NRG3: variants seen among roughly 807,000 people sequenced by gnomAD.
The protein encoded by NRG3 is neuregulin 3.
In NRG3, 31 loss-of-function variants were observed where a neutral mutation model predicts 66.9. The ratio of observed to expected loss-of-function variants is 0.46; its 90% CI spans 0.35 to 0.63. The LOEUF is 0.63. Ranked by LOEUF, NRG3 falls within the 20% of genes least tolerant of loss-of-function variation. The pLI is 0.00. For missense variants in NRG3, 910 were observed against 878.9 expected (o/e 1.04, Z -0.45); for synonymous variants, 393 against 359.4 (o/e 1.09, Z -1.06).
intron 1 of NRG3, among the ~76,000 whole-genome samples, chr10:82,309,458 T>C (rs78403190): frequency 0.023 from 3,449 of 150,268 alleles, 44 homozygotes; most frequent in African/African-American, 0.04. Flanking sequence ...ACAAATTGCT[T>C]TGCATTACAA....
intron 2 of NRG3, among the ~76,000 whole-genome samples, chr10:82,613,369 C>T (rs979179825): frequency 1.3e-5 from 2 of 151,514 alleles, no homozygotes; most frequent in South Asian, 2.1e-4. Context: ...AATTTTCAGA[C>T]AATCATTAAA....
At chr10:82,879,363 C>T (rs2136046128) in intron 4 of NRG3, among the ~76,000 whole-genome samples, 1 of 152,132 alleles carries the variant, frequency 6.6e-6, no homozygotes, top group Non-Finnish European at 1.5e-5. Flanking sequence ...AACACAAGAC[C>T]ATGCAATTTA....
intron 2 of NRG3, among the ~76,000 whole-genome samples, chr10:82,618,957 G>C (rs1345610896): frequency 6.7e-6 from 1 of 150,072 alleles, no homozygotes; most frequent in Non-Finnish European, 1.5e-5. Flanking sequence ...ATTTTATTTT[G>C]CTGTGATTTC....
intron 3 of NRG3, among the ~76,000 whole-genome samples, chr10:82,829,766 A>AT (rs1253719436): frequency 2.6e-5 from 4 of 152,212 alleles, no homozygotes; most frequent in African/African-American, 9.6e-5. Context: ...CAACTAACAG[A>AT]GACTATAATT....
intron 3 of NRG3, among the ~76,000 whole-genome samples, chr10:82,803,551 G>A (rs775896499): frequency 6.6e-6 from 1 of 151,906 alleles, no homozygotes; most frequent in East Asian, 1.9e-4. Flanking sequence ...ACCTTAAAGA[G>A]TTTCTTTTTC....
chr10:82,401,337 T>C (rs1294370151), intron 2 of NRG3, among the ~76,000 whole-genome samples: 1 of 152,080 alleles, frequency 6.6e-6, no homozygotes, highest in African/African-American at 2.4e-5. Context: ...ATAATGTATG[T>C]ATATAAATTA....
intron 1 of NRG3, among the ~76,000 whole-genome samples, chr10:82,210,543 C>T (rs2075345836): frequency 6.6e-6 from 1 of 152,088 alleles, no homozygotes. Context: ...TGGAAGAGCA[C>T]AGGGTGCTGC....
chr10:82,059,010 G>A (rs1183383505), intron 1 of NRG3, among the ~76,000 whole-genome samples: 3 of 152,126 alleles, frequency 2.0e-5, no homozygotes, highest in Admixed American at 6.5e-5. Context: ...CATGTGGGAC[G>A]TTTCCAGTGA....
intron 1 of NRG3, among the ~76,000 whole-genome samples, chr10:82,290,986 A>G (rs1351263150): frequency 2.0e-5 from 3 of 151,966 alleles, no homozygotes; most frequent in Non-Finnish European, 4.4e-5. Context: ...ACAAACACAC[A>G]CACATACACA....
chr10:82,679,469 A>G (rs1032597401), intron 2 of NRG3, among the ~76,000 whole-genome samples: 1 of 152,266 alleles, frequency 6.6e-6, no homozygotes, highest in Non-Finnish European at 1.5e-5. Flanking sequence ...TAATATTTAC[A>G]TAGCATTTTC....
intron 2 of NRG3, among the ~76,000 whole-genome samples, chr10:82,520,403 A>G (rs887615410): frequency 1.3e-5 from 2 of 151,966 alleles, no homozygotes; most frequent in East Asian, 3.9e-4. Flanking sequence ...AGAAGGTTCT[A>G]GCTGCTCTAC....
At chr10:81,897,886 T>C (rs980808437) in intron 1 of NRG3, among the ~76,000 whole-genome samples, 1 of 152,168 alleles carries the variant, frequency 6.6e-6, no homozygotes, top group Non-Finnish European at 1.5e-5. Context: ...AGTGGGGATG[T>C]TACTATCTCT....
intron 1 of NRG3, among the ~76,000 whole-genome samples, chr10:82,001,243 C>G (rs2061155978): frequency 6.6e-6 from 1 of 151,464 alleles, no homozygotes. Context: ...TGGCTCACGC[C>G]TGCAATCCCA....
intron 4 of NRG3, among the ~76,000 whole-genome samples, chr10:82,869,639 G>A (rs985939020): frequency 2.3e-4 from 25 of 107,400 alleles, no homozygotes; most frequent in African/African-American, 4.8e-4. Flanking sequence ...ACAGAGTTTC[G>A]CTCTGTCACC....
intron 2 of NRG3, among the ~76,000 whole-genome samples, chr10:82,723,746 G>T (rs1049234014): frequency 6.6e-6 from 1 of 152,114 alleles, no homozygotes; most frequent in Non-Finnish European, 1.5e-5. Context: ...TTGGGAGGCC[G>T]AGGTGGGCAG....
intron 2 of NRG3, among the ~76,000 whole-genome samples, chr10:82,582,067 C>T (rs1204771324): frequency 2.0e-5 from 3 of 151,998 alleles, no homozygotes; most frequent in Non-Finnish European, 4.4e-5. Context: ...TCTTCTTTGC[C>T]ATTTCCTTAT....
intron 1 of NRG3, among the ~76,000 whole-genome samples, chr10:82,101,130 C>G (rs1272451841): frequency 1.3e-5 from 2 of 151,696 alleles, no homozygotes; most frequent in Non-Finnish European, 3.0e-5. Context: ...GTATTATTCT[C>G]TTATTATTTT....
chr10:82,629,730 A>G (rs1170621074), intron 2 of NRG3, among the ~76,000 whole-genome samples: 1 of 152,186 alleles, frequency 6.6e-6, no homozygotes, highest in Non-Finnish European at 1.5e-5. Context: ...ATGGATTTTG[A>G]AGTTCCTTTC....
chr10:82,341,209 C>G (rs1047406444), intron 1 of NRG3, among the ~76,000 whole-genome samples: 9 of 151,924 alleles, frequency 5.9e-5, no homozygotes, highest in Non-Finnish European at 1.2e-4. Context: ...AAAAACGATG[C>G]CTTCTAATTG....
Sources: allele counts gnomAD v4.1 joint callset (sites outside exome capture counted in the v4.1 genomes callset), GRCh38; gene constraint gnomAD v4.1.1; transcripts MANE v1.5; gene names NCBI Gene and HGNC (gene_info 2026-07-23, HGNC 2026-07-21).